MVB12B: variants seen among roughly 807,000 people sequenced by gnomAD.
MVB12B encodes ESCRT-I complex subunit MVB12B.
MVB12B carries 16 observed loss-of-function variants against 41.6 expected under a neutral mutation model. That is an observed-to-expected ratio of 0.38 (90% CI 0.26 to 0.58). The LOEUF (loss-of-function observed/expected upper bound fraction) is 0.58, where lower values mean the gene tolerates loss of function less well. Ranked by LOEUF, MVB12B falls within the 20% of genes least tolerant of loss-of-function variation. The probability of loss-of-function intolerance (pLI) is 0.62; values close to 1 mark genes in which losing one functional copy is unlikely to be tolerated. For missense variants in MVB12B, 274 were observed against 380.2 expected, an observed-to-expected ratio of 0.72 and a Z score of 2.32; for synonymous variants, 133 against 139.7, an observed-to-expected ratio of 0.95 and a Z score of 0.34.
At chr9:126,461,992 C>A (rs770822536) in intron 7 of MVB12B, among the ~76,000 whole-genome samples, 15 of 152,258 alleles carry the variant, frequency 9.9e-5, no homozygotes, top group Non-Finnish European at 1.9e-4. Flanking sequence ...TTCGCTGAGT[C>A]TGTGCTTTAT....
chr9:126,334,550 C>T (rs1829224870), intron 1 of MVB12B, among the ~76,000 whole-genome samples: 1 of 152,238 alleles, frequency 6.6e-6, no homozygotes, highest in South Asian at 2.1e-4. Flanking sequence ...CCGTGCCCAT[C>T]AGGGCAAGCT....
intron 7 of MVB12B, among the ~76,000 whole-genome samples, chr9:126,432,767 G>A (rs1359765195): frequency 6.6e-6 from 1 of 152,212 alleles, no homozygotes; most frequent in African/African-American, 2.4e-5. Flanking sequence ...CAGACATTGA[G>A]CTCGAAACCA....
intron 6 of MVB12B, among the ~76,000 whole-genome samples, chr9:126,404,506 T>C (rs562540960): frequency 6.6e-6 from 1 of 152,284 alleles, no homozygotes; most frequent in East Asian, 1.9e-4. Context: ...GTAGGTGGGG[T>C]GCCCATTCAG....
intron 2 of MVB12B, among the ~76,000 whole-genome samples, chr9:126,348,778 C>T (rs1224565355): frequency 6.6e-6 from 1 of 152,086 alleles, no homozygotes. Flanking sequence ...GACTCACATG[C>T]AGTTGTAGGA....
chr9:126,476,982 T>A (rs1833435907), intron 7 of MVB12B, among the ~76,000 whole-genome samples: 1 of 152,182 alleles, frequency 6.6e-6, no homozygotes, highest in South Asian at 2.1e-4. Context: ...GTTCTTATGT[T>A]GCTATAAAGG....
intron 7 of MVB12B, chr9:126,426,799 G>T (rs989444085): frequency 1.3e-5 from 2 of 152,252 alleles, no homozygotes; most frequent in African/African-American, 2.4e-5. Flanking sequence ...TCCTTTAGGG[G>T]TAAGAGAGAA....
intron 7 of MVB12B, among the ~76,000 whole-genome samples, chr9:126,437,707 T>G (rs1325031029): frequency 6.6e-6 from 1 of 152,228 alleles, no homozygotes; most frequent in Non-Finnish European, 1.5e-5. Context: ...GGAGTACGCT[T>G]AGTTTTTTCA....
At chr9:126,497,413 A>G (rs1474116840) in intron 9 of MVB12B, among the ~76,000 whole-genome samples, 2 of 152,086 alleles carry the variant, frequency 1.3e-5, no homozygotes, top group Non-Finnish European at 2.9e-5. Flanking sequence ...CAGTGTGGTC[A>G]TTGAAGGCCT....
At chr9:126,421,246 TG>T (rs1832008706) in intron 6 of MVB12B, among the ~76,000 whole-genome samples, 1 of 152,238 alleles carries the variant, frequency 6.6e-6, no homozygotes. Context: ...TGTATCTGTC[TG>T]GAAGGTGCTT....
chr9:126,366,698 CCCT>C lies in MVB12B; in HGVS notation c.205-14365_205-14363del, dbSNP rs1279327477. On this transcript the variant is annotated intron_variant, in intron 2 of 9. Coordinates refer to ENST00000361171, the MANE Select transcript of MVB12B (RefSeq NM_033446.3). ...ATTCAGCTTTGTTCCTCTCTGACCC[CCCT>C]TCTTGTAGTAGCCTCTCCCTCACTG... Among the ~76,000 whole-genome samples the C allele has an allele frequency of 4.6e-5, 7 of 152,300 alleles. No homozygotes were observed. In the East Asian group the frequency reaches 9.7e-4, roughly 21 times the overall value.
At chr9:126,368,297 C>T (rs946578019) in intron 2 of MVB12B, among the ~76,000 whole-genome samples, 20 of 152,192 alleles carry the variant, frequency 1.3e-4, no homozygotes, top group Non-Finnish European at 2.5e-4. Flanking sequence ...TGTCTAGTAT[C>T]AAGGCCCATG....
At chr9:126,394,259 A>C (rs566006261) in intron 5 of MVB12B, among the ~76,000 whole-genome samples, 16 of 152,380 alleles carry the variant, frequency 1.1e-4, no homozygotes, top group African/African-American at 3.8e-4. Context: ...GCAATTTAGT[A>C]ATGAACTTTT....
chr9:126,386,174 A>G lies in MVB12B; in HGVS notation c.313-388A>G, dbSNP rs973555141. ...TTAGGTTTAGATGCAGCTCTTTCCTACGAGTGCCTCAGGAATTTGCTCTTC... is the reference window on the plus strand; with the variant it reads ...TTAGGTTTAGATGCAGCTCTTTCCTGCGAGTGCCTCAGGAATTTGCTCTTC... On this transcript the variant is annotated intron_variant, in intron 3 of 9. Coordinates refer to ENST00000361171, the MANE Select transcript of MVB12B (RefSeq NM_033446.3). This position sits in a 1 kb window ranked among gnomAD's most constrained non-coding sequence, Gnocchi z 4.3. Among the ~76,000 whole-genome samples, 5 of 152,170 alleles carry G rather than the reference A, an allele frequency of 3.3e-5. No homozygotes were observed. Among genetic ancestry groups the G allele is most frequent in the African/African-American group, 1.2e-4 (5 of 41,436 alleles).
At chr9:126,495,325 C>T (rs1833808251) in intron 9 of MVB12B, among the ~76,000 whole-genome samples, 1 of 152,136 alleles carries the variant, frequency 6.6e-6, no homozygotes, top group Non-Finnish European at 1.5e-5. Context: ...CACCCAGGTG[C>T]CACAGGGAGG....
intron 2 of MVB12B, among the ~76,000 whole-genome samples, chr9:126,349,045 G>GCACA (rs2118852767): frequency 6.6e-6 from 1 of 152,298 alleles, no homozygotes; most frequent in East Asian, 1.9e-4. Context: ...ACCTGGGGAA[G>GCACA]CACAGGTGGG....
chr9:126,422,097 C>T (rs887383274), intron 7 of MVB12B, 149 bp downstream of exon 7: 15 of 617,372 alleles, frequency 2.4e-5, no homozygotes, highest in Non-Finnish European at 3.5e-5. Flanking sequence ...GGGACCAGGC[C>T]TTCCCTTTCC....
At chr9:126,344,751 G>T (rs1000263885) in intron 2 of MVB12B, among the ~76,000 whole-genome samples, 4 of 152,374 alleles carry the variant, frequency 2.6e-5, no homozygotes, top group Non-Finnish European at 1.5e-5. Context: ...AGGTCTGGAG[G>T]CTGGGAAGTC....
Position 126,503,294 on chromosome 9 carries a change from C to T in MVB12B, c.*31C>T, listed in dbSNP as rs78799421. ...CAGCGGCCACCTGCGGGGAGACCAC[C>T]GCCGCCCAGACTACTGACGGCAGGG... On this transcript the variant is annotated 3_prime_UTR_variant, in exon 10 of 10. Coordinates refer to ENST00000361171, the MANE Select transcript of MVB12B (RefSeq NM_033446.3). 8,894 of 1,530,946 alleles carry T rather than the reference C, an allele frequency of 5.8e-3. 37 individuals are homozygous for T. The highest frequency in any genetic ancestry group is 7.4e-3 in the Middle Eastern group (44 of 5,914). 94.8% of individuals were successfully genotyped at this position (1,530,946 alleles called of 1,614,324 possible). A position where few individuals can be genotyped will look rare whatever the true frequency, so the allele number is the denominator to read the frequency against.
intron 8 of MVB12B, among the ~76,000 whole-genome samples, chr9:126,483,110 G>A (rs1177146692): frequency 4.6e-5 from 7 of 152,136 alleles, no homozygotes; most frequent in Non-Finnish European, 7.3e-5. Context: ...GGGTTCTGTC[G>A]AAGGCCCTCA....
Sources: gnomAD v4.1 joint callset for allele counts (sites outside exome capture counted in the v4.1 genomes callset) on GRCh38, gnomAD v4.1.1 for gene constraint, Gnocchi (gnomAD v3.1) non-coding constraint, MANE v1.5 for transcripts, NCBI Gene and HGNC (gene_info 2026-07-23, HGNC 2026-07-21) for gene names.